The following CTNNA3 variants were observed in gnomAD, a reference collection of about 807,000 sequenced individuals.
CTNNA3 encodes catenin alpha-3.
A neutral mutation model predicts 95.7 loss-of-function variants in CTNNA3; 76 were observed. The ratio of observed to expected loss-of-function variants is 0.79; its 90% CI spans 0.66 to 0.96. The LOEUF is 0.96. CTNNA3 is among the 40% of genes least tolerant of loss of function. CTNNA3 has a pLI of 0.00. For missense variants in CTNNA3, 1,191 were observed against 1,089.8 expected, an observed-to-expected ratio of 1.09 and a Z score of -1.31; for synonymous variants, 431 against 374.4, an observed-to-expected ratio of 1.15 and a Z score of -1.74.
chr10:66,318,383 A>G (rs965227137), intron 12 of CTNNA3, among the ~76,000 whole-genome samples: 1 of 151,782 alleles, frequency 6.6e-6, no homozygotes, highest in Admixed American at 6.6e-5. Context: ...AGTGGTCAAT[A>G]GTAATCTCTC....
chr10:65,978,343 G>A (rs1246081226), intron 16 of CTNNA3, among the ~76,000 whole-genome samples: 6 of 151,584 alleles, frequency 4.0e-5, no homozygotes, highest in Non-Finnish European at 7.4e-5. Context: ...GATCTTTATT[G>A]ATTTTCATAA....
At chr10:67,021,522 C>A (rs1201756327) in intron 7 of CTNNA3, among the ~76,000 whole-genome samples, 1 of 151,774 alleles carries the variant, frequency 6.6e-6, no homozygotes, top group African/African-American at 2.4e-5. Context: ...AGATGTCTAA[C>A]AAAAATTACA....
intron 5 of CTNNA3, among the ~76,000 whole-genome samples, chr10:67,376,903 C>T (rs1208405035): frequency 6.6e-6 from 1 of 152,186 alleles, no homozygotes; most frequent in African/African-American, 2.4e-5. Flanking sequence ...ACGAGAAAGT[C>T]AATACACATC....
chr10:67,611,789 T>G (rs1843468959), intron 2 of CTNNA3, among the ~76,000 whole-genome samples: 1 of 152,220 alleles, frequency 6.6e-6, no homozygotes, highest in African/African-American at 2.4e-5. Context: ...AATTTCAACC[T>G]TCCTCCAATA....
chr10:67,723,566 T>C (rs1436675542), intron 1 of CTNNA3, among the ~76,000 whole-genome samples: 1 of 152,164 alleles, frequency 6.6e-6, no homozygotes, highest in Non-Finnish European at 1.5e-5. Flanking sequence ...AGCACTGGGA[T>C]TACACGCATA....
chr10:67,125,891 G>GA (rs1312423839), intron 7 of CTNNA3, among the ~76,000 whole-genome samples: 1 of 152,040 alleles, frequency 6.6e-6, no homozygotes, highest in Non-Finnish European at 1.5e-5. Context: ...TGCTCAACTA[G>GA]AAAAAACTGG....
At chr10:66,993,070 T>C (rs1009127285) in intron 7 of CTNNA3, among the ~76,000 whole-genome samples, 1 of 152,128 alleles carries the variant, frequency 6.6e-6, no homozygotes, top group Admixed American at 6.6e-5. Flanking sequence ...CCGTTTCCCA[T>C]GGTATCAGCC....
chr10:66,995,804 T>C (rs1285905146), intron 7 of CTNNA3, among the ~76,000 whole-genome samples: 1 of 152,174 alleles, frequency 6.6e-6, no homozygotes, highest in Admixed American at 6.5e-5. Flanking sequence ...TAAGGTCTAA[T>C]ACAAGCATTA....
chr10:66,498,643 C>T (rs1378090688), intron 11 of CTNNA3, among the ~76,000 whole-genome samples: 3 of 152,234 alleles, frequency 2.0e-5, no homozygotes, highest in South Asian at 2.1e-4. Context: ...TAATAAAGAT[C>T]TTGGCACGTA....
At position 67,357,800 on chromosome 10, in the gene CTNNA3, A is replaced by C. The variant is rs140753920; in HGVS notation, c.580-137930T>G. On this transcript the variant is annotated intron_variant, in intron 5 of 17. Coordinates refer to ENST00000433211, the MANE Select transcript of CTNNA3 (RefSeq NM_013266.4). ...GGTGAGGGTATGAGCACCACCATAC[A>C]TTAAATGAGAAAAAAAGAAGAGCCA... Among the ~76,000 whole-genome samples the C allele has an allele frequency of 5.0e-3, 756 of 152,210 alleles. 5 individuals carry two copies. Among genetic ancestry groups the C allele is most frequent in the African/African-American group, 0.017 (708 of 41,570 alleles).
At chr10:66,245,263 C>G (rs2090269487) in intron 13 of CTNNA3, among the ~76,000 whole-genome samples, 1 of 152,164 alleles carries the variant, frequency 6.6e-6, no homozygotes, top group African/African-American at 2.4e-5. Context: ...CTGGCTGGCC[C>G]TGGAAGCACA....
intron 10 of CTNNA3, among the ~76,000 whole-genome samples, chr10:66,556,694 G>A (rs1055844585): frequency 6.6e-6 from 1 of 152,028 alleles, no homozygotes; most frequent in East Asian, 1.9e-4. Flanking sequence ...AAGCCAAAGA[G>A]TAGAAAGCTG....
chr10:67,023,722 C>A (rs932925954), intron 7 of CTNNA3, among the ~76,000 whole-genome samples: 1 of 152,120 alleles, frequency 6.6e-6, no homozygotes, highest in African/African-American at 2.4e-5. Flanking sequence ...CTTACAAAGA[C>A]ATCAAGGAAA....
intron 7 of CTNNA3, among the ~76,000 whole-genome samples, chr10:66,917,248 C>T (rs533660989): frequency 1.4e-3 from 213 of 152,218 alleles, no homozygotes; most frequent in Admixed American, 0.012. Flanking sequence ...CTACCCGGGA[C>T]TAAGTAAATT....
intron 15 of CTNNA3, among the ~76,000 whole-genome samples, chr10:66,018,168 T>C (rs575377848): frequency 7.6e-6 from 1 of 131,770 alleles, no homozygotes; most frequent in East Asian, 2.4e-4. Context: ...TCTAGTTCTA[T>C]ATGAGGATAC....
At chr10:66,674,574 G>GA (rs375220233) in intron 9 of CTNNA3, among the ~76,000 whole-genome samples, 32 of 146,512 alleles carry the variant, frequency 2.2e-4, no homozygotes, top group Middle Eastern at 3.5e-3. Context: ...ACAGAGTGAA[G>GA]AAAAAAAAAA....
chr10:67,407,048 CT>C (rs1245300538), intron 5 of CTNNA3, among the ~76,000 whole-genome samples: 2 of 152,100 alleles, frequency 1.3e-5, no homozygotes, highest in Non-Finnish European at 2.9e-5. Context: ...AAAGCAGGGA[CT>C]CCCCCATAAC....
intron 1 of CTNNA3, among the ~76,000 whole-genome samples, chr10:67,690,788 T>C (rs1840830481): frequency 6.6e-6 from 1 of 152,238 alleles, no homozygotes; most frequent in East Asian, 1.9e-4. Context: ...AGGTCTGCGA[T>C]GAGAAAAGGA....
At chr10:65,920,709 C>T (rs112638539) in intron 17 of CTNNA3, 92 bp from the exon 18 acceptor site, 37 of 1,383,498 alleles carry the variant, frequency 2.7e-5, no homozygotes, top group Non-Finnish European at 3.6e-5. Flanking sequence ...GCCCGTTGCC[C>T]CAGCTACTCA....
Sources: allele counts gnomAD v4.1 joint callset (sites outside exome capture counted in the v4.1 genomes callset), GRCh38; gene constraint gnomAD v4.1.1; transcripts MANE v1.5; gene names NCBI Gene and HGNC (gene_info 2026-07-23, HGNC 2026-07-21).